COL23A1: variants seen among roughly 807,000 people sequenced by gnomAD.
The protein encoded by COL23A1 is collagen type XXIII alpha 1 chain.
Under a neutral mutation model 99.3 loss-of-function variants are expected in COL23A1, and 97 were observed. The ratio of observed to expected loss-of-function variants is 0.98; its 90% CI spans 0.83 to 1.16. The LOEUF is 1.16. Among genes scored for constraint, COL23A1 ranks in the 50% most tolerant of loss-of-function variants. The probability of loss-of-function intolerance (pLI) is 0.00; values close to 1 mark genes in which losing one functional copy is unlikely to be tolerated. For synonymous variants in COL23A1, 320 were observed against 308.2 expected, an observed-to-expected ratio of 1.04 and a Z score of -0.40; for missense variants, 762 against 757.4, an observed-to-expected ratio of 1.01 and a Z score of -0.07.
rs777632875 is a variant in COL23A1 at position 178,387,032 on chromosome 5, G to T, written c.362-80113C>A. 1.3e-5 allele frequency among the ~76,000 whole-genome samples: 2 copies of T among 152,044 alleles called. No individual in the cohort carries two copies. The highest frequency in any genetic ancestry group is 4.8e-5 in the African/African-American group (2 of 41,390). On this transcript the variant is annotated intron_variant, in intron 2 of 28. Coordinates refer to ENST00000390654, the MANE Select transcript of COL23A1 (RefSeq NM_173465.4). This position sits in a 1 kb window ranked among gnomAD's most constrained non-coding sequence, Gnocchi z 4.7. ...CCTCTGGACTTCAGCTCCAGGTTTC[G>T]TCTCTCGCTCCAGGCTTCCTGCTGT...
chr5:178,379,257 T>C (rs528090900), intron 2 of COL23A1, among the ~76,000 whole-genome samples: 1 of 152,268 alleles, frequency 6.6e-6, no homozygotes, highest in African/African-American at 2.4e-5. Context: ...CCCTTATTCA[T>C]TTAACCAAAA....
At chr5:178,304,504 T>TC (rs1484293421) in intron 3 of COL23A1, among the ~76,000 whole-genome samples, 145 of 43,462 alleles carry the variant, frequency 3.3e-3, no homozygotes, top group South Asian at 6.6e-3. Flanking sequence ...AGCGACTGTC[T>TC]CAAAAAAAAA....
At chr5:178,399,433 G>C (rs570262807) in intron 2 of COL23A1, among the ~76,000 whole-genome samples, 1 of 152,296 alleles carries the variant, frequency 6.6e-6, no homozygotes, top group Admixed American at 6.5e-5. Context: ...TTACATTTTG[G>C]GAGCCAGCAC....
intron 2 of COL23A1, among the ~76,000 whole-genome samples, chr5:178,531,562 C>A (rs1016482927): frequency 3.3e-5 from 5 of 152,202 alleles, no homozygotes; most frequent in Non-Finnish European, 7.3e-5. Flanking sequence ...GAATTATCAT[C>A]CTGCAAGAAG....
chr5:178,298,457 T>C (rs1757864732), intron 3 of COL23A1, among the ~76,000 whole-genome samples: 1 of 152,184 alleles, frequency 6.6e-6, no homozygotes, highest in African/African-American at 2.4e-5. Context: ...GGGAGGAGTC[T>C]TTCCCATAGC....
chr5:178,441,723 G>A (rs544897936), intron 2 of COL23A1, among the ~76,000 whole-genome samples: 28 of 152,192 alleles, frequency 1.8e-4, no homozygotes, highest in African/African-American at 5.8e-4. Context: ...GTGACGACGC[G>A]GGGTGATGAC....
At position 178,313,202 on chromosome 5, in the gene COL23A1, C is replaced by A. The variant is rs1033879312; in HGVS notation, c.362-6283G>T. Reference sequence around the variant, plus strand: ...CATCGGTGGGCTGGGCTAGGGGAGGCGAGACTGGGAAGTCGGTGGGCCCAG... The same window carrying A: ...CATCGGTGGGCTGGGCTAGGGGAGGAGAGACTGGGAAGTCGGTGGGCCCAG... On this transcript the variant is annotated intron_variant, in intron 2 of 28. Coordinates refer to ENST00000390654, the MANE Select transcript of COL23A1 (RefSeq NM_173465.4). The surrounding 1 kb of genome is among the most constrained non-coding windows in gnomAD (Gnocchi z 4.2). 6.6e-6 allele frequency among the ~76,000 whole-genome samples: 1 copy of A among 152,120 alleles called. No homozygotes were observed. Among genetic ancestry groups the A allele is most frequent in the African/African-American group, 2.4e-5 (1 of 41,490 alleles).
chr5:178,359,432 G>A (rs1476828120), intron 2 of COL23A1, among the ~76,000 whole-genome samples: 3 of 152,192 alleles, frequency 2.0e-5, no homozygotes, highest in East Asian at 3.9e-4. Context: ...GGAAGCTGAG[G>A]CAGGAGAATT....
intron 2 of COL23A1, among the ~76,000 whole-genome samples, chr5:178,355,911 A>G (rs747242814): frequency 1.3e-5 from 2 of 152,270 alleles, no homozygotes; most frequent in Non-Finnish European, 2.9e-5. Flanking sequence ...CAACTTGTGC[A>G]GTGATTATAC....
At chr5:178,531,340 G>A (rs1225170858) in intron 2 of COL23A1, among the ~76,000 whole-genome samples, 3 of 152,168 alleles carry the variant, frequency 2.0e-5, no homozygotes, top group Non-Finnish European at 4.4e-5. Flanking sequence ...AGTGTGGGGT[G>A]GGAACCCAGG....
chr5:178,416,299 G>C (rs959469557), intron 2 of COL23A1, among the ~76,000 whole-genome samples: 5 of 152,214 alleles, frequency 3.3e-5, no homozygotes, highest in Non-Finnish European at 5.9e-5. Context: ...TTCAGTCTTA[G>C]AGATGCGCAA....
At position 178,500,950 on chromosome 5, in the gene COL23A1, T is replaced by C. The variant is rs117527563; in HGVS notation, c.361+59732A>G. ...GTCACAAACTGCGAAATATTTTCAA[T>C]AGGTGTAACATGACTTCTCGACTAA... is the stretch of plus-strand genomic sequence containing the variant. On this transcript the variant is annotated intron_variant, in intron 2 of 28. Coordinates refer to ENST00000390654, the MANE Select transcript of COL23A1 (RefSeq NM_173465.4). 5.1e-4 allele frequency among the ~76,000 whole-genome samples: 78 copies of C among 152,170 alleles called. 2 individuals are homozygous for C. In the East Asian group the frequency reaches 0.012, roughly 23 times the overall value.
chr5:178,494,495 G>T (rs1485987162), intron 2 of COL23A1, among the ~76,000 whole-genome samples: 2 of 152,184 alleles, frequency 1.3e-5, no homozygotes, highest in Admixed American at 6.5e-5. Context: ...TGGCCAACAT[G>T]GTGAAACCCT....
rs1410483185 is a variant in COL23A1 at position 178,340,990 on chromosome 5, C to T, written c.362-34071G>A. ...CCATACCCACCAGCTCTATTTCCCC[C>T]ATTATGAAGATGGAGGAACTGAGTC... On this transcript the variant is annotated intron_variant, in intron 2 of 28. Transcript: ENST00000390654. The surrounding 1 kb of genome is among the most constrained non-coding windows in gnomAD (Gnocchi z 4.7). 2.0e-5 allele frequency among the ~76,000 whole-genome samples: 3 copies of T among 152,196 alleles called. No individual in the cohort carries two copies. Among genetic ancestry groups the T allele is most frequent in the Non-Finnish European group, 4.4e-5 (3 of 68,036 alleles).
intron 5 of COL23A1, among the ~76,000 whole-genome samples, chr5:178,279,442 C>A (rs945051057): frequency 2.0e-5 from 3 of 152,234 alleles, no homozygotes; most frequent in African/African-American, 4.8e-5. Context: ...GCTCCCCGGG[C>A]AGACTGAGGG....
At chr5:178,299,050 T>G (rs760796442) in intron 3 of COL23A1, among the ~76,000 whole-genome samples, 8 of 152,238 alleles carry the variant, frequency 5.3e-5, no homozygotes, top group Non-Finnish European at 1.0e-4. Flanking sequence ...TTTGCTGGAT[T>G]CCTTTGCTTG....
intron 19 of COL23A1, 44 bp downstream of exon 19, chr5:178,249,073 T>C (rs1400197247): frequency 6.3e-7 from 1 of 1,592,384 alleles, no homozygotes; most frequent in African/African-American, 1.3e-5. Context: ...ACCTCAGGGC[T>C]TCCACACAGG....
chr5:178,248,154 G>T, intron 20 of COL23A1, 38 bp downstream of exon 20: 1 of 1,427,074 alleles, frequency 7.0e-7, no homozygotes, highest in Non-Finnish European at 9.8e-7. Flanking sequence ...CCTGGACTGG[G>T]TGTTGGGGGA....
intron 2 of COL23A1, among the ~76,000 whole-genome samples, chr5:178,357,746 GTA>G (rs1224240374): frequency 6.7e-6 from 1 of 149,258 alleles, no homozygotes; most frequent in Non-Finnish European, 1.5e-5. Context: ...GTATGTACGT[GTA>G]TGTGTGTGTG....
Sources: allele counts gnomAD v4.1 joint callset (sites outside exome capture counted in the v4.1 genomes callset), GRCh38; gene constraint gnomAD v4.1.1; non-coding constraint Gnocchi (gnomAD v3.1); transcripts MANE v1.5; gene names NCBI Gene and HGNC (gene_info 2026-07-23, HGNC 2026-07-21).